Variants in PPP4R4 observed in about 807,000 individuals in gnomAD.
The protein encoded by PPP4R4 is serine/threonine-protein phosphatase 4 regulatory subunit 4.
A neutral mutation model predicts 121.8 loss-of-function variants in PPP4R4; 70 were observed. The ratio of observed to expected loss-of-function variants is 0.57; its 90% CI spans 0.47 to 0.70. The LOEUF (loss-of-function observed/expected upper bound fraction) is 0.70, where lower values mean the gene tolerates loss of function less well. PPP4R4 is among the 30% of genes least tolerant of loss of function. The pLI is 0.00. For synonymous variants in PPP4R4, 348 were observed against 355.7 expected, an observed-to-expected ratio of 0.98 and a Z score of 0.24; for missense variants, 875 against 1,033.6, an observed-to-expected ratio of 0.85 and a Z score of 2.10.
chr14:94,246,471 C>T lies in PPP4R4; in HGVS notation c.1543C>T (p.His515Tyr). Residue 515 changes from histidine to tyrosine, a missense_variant, in exon 14 of 25, where the codon CAT (histidine) becomes TAT (tyrosine). Transcript: ENST00000304338. ...ACTTCAGAAATATGCCTGCCTGCCA[C>T]ATGTCATATCAAGCGATCAGATTTA... ...KLLQKYACLP[H>Y]VISSDQIYYR... The T allele has an allele frequency of 6.2e-7, 1 of 1,613,996 alleles. No homozygotes were observed. The highest frequency in any genetic ancestry group is 8.5e-7 in the Non-Finnish European group (1 of 1,179,880).
At chr14:94,262,581 A>G (rs1049676671) in intron 19 of PPP4R4, among the ~76,000 whole-genome samples, 3 of 152,016 alleles carry the variant, frequency 2.0e-5, no homozygotes, top group Non-Finnish European at 4.4e-5. Flanking sequence ...TACAGTTGTC[A>G]TATGAATTAT....
At chr14:94,203,031 A>T (rs1246392797) in intron 2 of PPP4R4, among the ~76,000 whole-genome samples, 2 of 152,160 alleles carry the variant, frequency 1.3e-5, no homozygotes, top group South Asian at 2.1e-4. Context: ...ATTCACATAC[A>T]GTTGTAAGAA....
At chr14:94,187,414 TTTAA>T (rs1889350358) in intron 2 of PPP4R4, among the ~76,000 whole-genome samples, 1 of 152,194 alleles carries the variant, frequency 6.6e-6, no homozygotes, top group Admixed American at 6.5e-5. Context: ...TTTCTGTCCT[TTTAA>T]TTAATTTTTT....
At chr14:94,221,700 A>G (rs1464908488) in intron 3 of PPP4R4, among the ~76,000 whole-genome samples, 1 of 152,072 alleles carries the variant, frequency 6.6e-6, no homozygotes, top group Non-Finnish European at 1.5e-5. Flanking sequence ...ACAGCAATTG[A>G]CCATACGAAG....
rs1199574743 is a variant in PPP4R4 at position 94,250,273 on chromosome 14, T to A, written c.1713T>A (p.Ile571=). 1.3e-6 allele frequency: 2 copies of A among 1,583,310 alleles called. No individual in the cohort carries two copies. Among genetic ancestry groups the A allele is most frequent in the South Asian group, 2.2e-5 (2 of 90,308 alleles). ...GACATGAGGTCATTCAAAAATTAAT[T>A]GAACGTAAGTAATCATTGTCTACTA... ...EQRHEVIQKL[I]EQLGQGKSYW... Residue 571 remains isoleucine (I), a synonymous_variant, in exon 15 of 25, where the codon ATT becomes ATA. Coordinates refer to ENST00000304338, the MANE Select transcript of PPP4R4 (RefSeq NM_058237.2).
At chr14:94,241,451 A>G (rs1355497173) in intron 9 of PPP4R4, among the ~76,000 whole-genome samples, 1 of 152,104 alleles carries the variant, frequency 6.6e-6, no homozygotes, top group Non-Finnish European at 1.5e-5. Context: ...CATTTACTAT[A>G]ATAGCAGATG....
At chr14:94,245,889 T>C (rs199578772) in intron 13 of PPP4R4, among the ~76,000 whole-genome samples, 2 of 152,324 alleles carry the variant, frequency 1.3e-5, no homozygotes, top group East Asian at 3.9e-4. Flanking sequence ...TTGTCTATTG[T>C]CTTTGGAGTT....
chr14:94,213,015 G>GCCAAC (rs1314167638), intron 3 of PPP4R4, among the ~76,000 whole-genome samples: 13 of 152,048 alleles, frequency 8.5e-5, no homozygotes, highest in Non-Finnish European at 1.0e-4. Flanking sequence ...AAATAATGTA[G>GCCAAC]CCAATATTTA....
chr14:94,193,153 A>G (rs957975046), intron 2 of PPP4R4, among the ~76,000 whole-genome samples: 4 of 152,170 alleles, frequency 2.6e-5, no homozygotes, highest in African/African-American at 9.7e-5. Context: ...ATCATTGAGG[A>G]CAAACTTTTT....
In PPP4R4 at chr14:94,227,566, A is replaced by AT. The variant is rs1891787518; in HGVS notation, c.295-3021_295-3020insT. Reference sequence around the variant, plus strand: ...AAGACTTGAGGATTTTTCGAAAATTAAATGCAAAATAGTTGGGGCAAATGT... The same window carrying AT: ...AAGACTTGAGGATTTTTCGAAAATTATAATGCAAAATAGTTGGGGCAAATGT... On this transcript the variant is annotated intron_variant, in intron 3 of 24. Coordinates refer to ENST00000304338, the MANE Select transcript of PPP4R4 (RefSeq NM_058237.2). 5 of 1,319,124 alleles carry AT rather than the reference A, an allele frequency of 3.8e-6. No individual in the cohort carries two copies. In the African/African-American group the frequency reaches 7.5e-5, roughly 20 times the overall value. The allele number at this position is 1,319,124 out of a possible 1,614,324, so 81.7% of individuals were successfully genotyped here.
chr14:94,176,261 G>A (rs1464930891), intron 2 of PPP4R4, 134 bp downstream of exon 2: 8 of 658,378 alleles, frequency 1.2e-5, no homozygotes, highest in Non-Finnish European at 1.9e-5. Context: ...TGTGTGCATA[G>A]TACTTAACTA....
intron 19 of PPP4R4, among the ~76,000 whole-genome samples, chr14:94,262,436 AT>A (rs1398169231): frequency 3.2e-4 from 49 of 151,322 alleles, no homozygotes; most frequent in Admixed American, 3.2e-3. Context: ...TTTTTTGGAA[AT>A]TTTTTTTGCT....
Position 94,234,760 on chromosome 14 carries a change from C to A in PPP4R4, c.731+91C>A, listed in dbSNP as rs73344804. 12,395 of 876,502 alleles carry A rather than the reference C, an allele frequency of 0.014. 351 individuals are homozygous for A. Among genetic ancestry groups the A allele is most frequent in the African/African-American group, 0.091 (5,346 of 58,988 alleles). 54.3% of individuals were successfully genotyped at this position (876,502 alleles called of 1,614,324 possible). ...TCTTTAAAAATGATCATAACAAGTA[C>A]CTCCTCTATGTCTGGATTAAAAGAG... On this transcript the variant is annotated intron_variant, in intron 7 of 24. Coordinates refer to ENST00000304338, the MANE Select transcript of PPP4R4 (RefSeq NM_058237.2).
At chr14:94,276,706 C>G (rs1894660567) in intron 24 of PPP4R4, among the ~76,000 whole-genome samples, 2 of 152,152 alleles carry the variant, frequency 1.3e-5, no homozygotes, top group African/African-American at 4.8e-5. Flanking sequence ...GATTACAATT[C>G]AACATGAGAT....
chr14:94,207,024 A>C (rs28573792), intron 2 of PPP4R4, among the ~76,000 whole-genome samples: 1 of 152,008 alleles, frequency 6.6e-6, no homozygotes, highest in East Asian at 1.9e-4. Flanking sequence ...ATGGCCATCT[A>C]TTGTGTTTTA....
In PPP4R4 at chr14:94,174,587, G is replaced by T; in HGVS notation, c.117+5G>T. On this transcript the variant is annotated splice_donor_5th_base_variant and intron_variant, in intron 1 of 24. Coordinates refer to ENST00000304338, the MANE Select transcript of PPP4R4 (RefSeq NM_058237.2). Reference sequence around the variant, plus strand: ...CCGGTCCGCCGGAGCCTCAAGGTGCGCCCCGGGGAGAGGACCTGCCCTCAC... The same window carrying T: ...CCGGTCCGCCGGAGCCTCAAGGTGCTCCCCGGGGAGAGGACCTGCCCTCAC... 6.2e-7 allele frequency: 1 copy of T among 1,610,600 alleles called. No homozygotes were observed. The highest frequency in any genetic ancestry group is 8.5e-7 in the Non-Finnish European group (1 of 1,178,698).
In PPP4R4 at chr14:94,230,697, C is replaced by A; in HGVS notation, c.405C>A (p.Leu135=). 1 of 1,613,640 alleles carries A rather than the reference C, an allele frequency of 6.2e-7. No homozygotes were observed. The highest frequency in any genetic ancestry group is 8.5e-7 in the Non-Finnish European group (1 of 1,179,564). The change falls in exon 4 of 25, where the codon CTC becomes CTA. Residue 135 remains leucine (L), a synonymous_variant. Transcript: ENST00000304338. ...VSIHAYTHSF[L]QVILLHLEHR... ...TTCATGCATATACCCACTCATTCCT[C>A]CAAGTCATTCTCCTGCATCTGGAGC...
intron 17 of PPP4R4, among the ~76,000 whole-genome samples, chr14:94,258,476 A>G (rs547375613): frequency 6.6e-6 from 1 of 152,200 alleles, no homozygotes; most frequent in Non-Finnish European, 1.5e-5. Context: ...AAATTCAGAA[A>G]AGATTGGCAC....
chr14:94,202,347 T>C (rs1890235470), intron 2 of PPP4R4, among the ~76,000 whole-genome samples: 1 of 152,350 alleles, frequency 6.6e-6, no homozygotes, highest in Admixed American at 6.5e-5. Flanking sequence ...GTGTAAGATC[T>C]GTTTGTTAAA....
Sources: gnomAD v4.1 joint callset for allele counts (sites outside exome capture counted in the v4.1 genomes callset) on GRCh38, gnomAD v4.1.1 for gene constraint, MANE v1.5 for transcripts, NCBI Gene and HGNC (gene_info 2026-07-23, HGNC 2026-07-21) for gene names.